Variants in IMMP2L observed in about 807,000 individuals in gnomAD.
IMMP2L encodes the protein mitochondrial inner membrane protease subunit 2.
A neutral mutation model predicts 19.3 loss-of-function variants in IMMP2L; 18 were observed. The observed-to-expected ratio is 0.93, with a 90% CI of 0.64 to 1.38. The LOEUF is 1.38. Ranked by LOEUF, IMMP2L falls within the 40% of genes most tolerant of loss-of-function variation. The pLI, the probability that IMMP2L is intolerant of heterozygous loss-of-function variation, is 0.00. For missense variants in IMMP2L, 233 were observed against 218.2 expected, an observed-to-expected ratio of 1.07 and a Z score of -0.43; for synonymous variants, 76 against 73.0, an observed-to-expected ratio of 1.04 and a Z score of -0.21.
intron 5 of IMMP2L, among the ~76,000 whole-genome samples, chr7:110,703,389 G>GT (rs901085439): frequency 4.0e-5 from 6 of 150,848 alleles, no homozygotes; most frequent in African/African-American, 7.3e-5. Context: ...TTGGTATGTA[G>GT]TTTTTTTTTC....
At chr7:111,215,559 T>C (rs914226810) in intron 3 of IMMP2L, among the ~76,000 whole-genome samples, 1 of 152,138 alleles carries the variant, frequency 6.6e-6, no homozygotes, top group Admixed American at 6.5e-5. Context: ...AAAAAAGATA[T>C]ACATTCTCTC....
At chr7:111,470,068 A>G (rs932576529) in intron 3 of IMMP2L, among the ~76,000 whole-genome samples, 1 of 152,204 alleles carries the variant, frequency 6.6e-6, no homozygotes, top group African/African-American at 2.4e-5. Context: ...GGTGAAGGAC[A>G]TGAACAGACA....
At chr7:111,073,293 G>C (rs2129575570) in intron 3 of IMMP2L, among the ~76,000 whole-genome samples, 1 of 152,162 alleles carries the variant, frequency 6.6e-6, no homozygotes, top group African/African-American at 2.4e-5. Flanking sequence ...GAGGAGGAGA[G>C]AGAGCAAGAA....
At chr7:111,191,104 A>G (rs1029607198) in intron 3 of IMMP2L, among the ~76,000 whole-genome samples, 2 of 152,146 alleles carry the variant, frequency 1.3e-5, no homozygotes, top group Admixed American at 6.6e-5. Context: ...CTGACTCACA[A>G]CTATTTCCAA....
chr7:111,155,039 T>G (rs191813869), intron 3 of IMMP2L, among the ~76,000 whole-genome samples: 15 of 152,210 alleles, frequency 9.9e-5, no homozygotes, highest in African/African-American at 3.1e-4. Context: ...ATTACAGGCA[T>G]GAGCTACCAC....
intron 3 of IMMP2L, among the ~76,000 whole-genome samples, chr7:111,400,484 C>G (rs974174871): frequency 6.6e-6 from 1 of 152,090 alleles, no homozygotes; most frequent in Non-Finnish European, 1.5e-5. Flanking sequence ...TAATATTCCC[C>G]TATCCCCACC....
chr7:111,240,848 G>A (rs1006113687), intron 3 of IMMP2L, among the ~76,000 whole-genome samples: 2 of 151,808 alleles, frequency 1.3e-5, no homozygotes, highest in Non-Finnish European at 2.9e-5. Context: ...CCATACTTAA[G>A]TCACACTTAA....
chr7:110,764,215 A>G (rs923608339), intron 5 of IMMP2L, among the ~76,000 whole-genome samples: 1 of 152,124 alleles, frequency 6.6e-6, no homozygotes, highest in Non-Finnish European at 1.5e-5. Flanking sequence ...CCACCTACTG[A>G]CAATGCCAAC....
chr7:111,051,373 C>T (rs1028826016), intron 3 of IMMP2L, among the ~76,000 whole-genome samples: 2 of 152,096 alleles, frequency 1.3e-5, no homozygotes, highest in African/African-American at 4.8e-5. Flanking sequence ...CTATCCTGAG[C>T]GAATGCATCT....
chr7:110,735,718 ACACG>A lies in IMMP2L; in HGVS notation c.409-72001_409-71998del, dbSNP rs1392580610. Among the ~76,000 whole-genome samples the A allele has an allele frequency of 5.6e-5, 8 of 142,686 alleles. No homozygotes were observed. In the East Asian group the frequency reaches 1.0e-3, roughly 18 times the overall value. 93.6% of individuals were successfully genotyped at this position (142,686 alleles called of 152,430 possible). On this transcript the variant is annotated intron_variant, in intron 5 of 5. Coordinates refer to ENST00000405709, the MANE Select transcript of IMMP2L (RefSeq NM_032549.4). ...CACACACACACACACACACACACAC[ACACG>A]AAAATTAGGCAGACATGGTAACGTG...
At chr7:111,334,142 C>G (rs550394943) in intron 3 of IMMP2L, among the ~76,000 whole-genome samples, 71 of 151,710 alleles carry the variant, frequency 4.7e-4, no homozygotes, top group Non-Finnish European at 8.8e-4. Flanking sequence ...ATCATCTATA[C>G]CATTTTTAAG....
At chr7:111,397,075 G>A (rs557393230) in intron 3 of IMMP2L, among the ~76,000 whole-genome samples, 8 of 151,280 alleles carry the variant, frequency 5.3e-5, no homozygotes, top group Non-Finnish European at 7.4e-5. Context: ...GCAACAGAGC[G>A]AGACTCTATC....
intron 5 of IMMP2L, among the ~76,000 whole-genome samples, chr7:110,743,212 C>T (rs1250528089): frequency 3.9e-5 from 6 of 152,142 alleles, no homozygotes; most frequent in African/African-American, 1.4e-4. Flanking sequence ...TATGTGGTCT[C>T]TAGGTCTGAG....
chr7:111,547,790 G>A (rs555386634), intron 1 of IMMP2L, among the ~76,000 whole-genome samples: 5 of 151,558 alleles, frequency 3.3e-5, no homozygotes, highest in South Asian at 2.1e-4. Flanking sequence ...GCATGATCAC[G>A]GCTTACTGCA....
At chr7:111,508,878 G>A (rs1033954421) in intron 2 of IMMP2L, among the ~76,000 whole-genome samples, 4 of 152,110 alleles carry the variant, frequency 2.6e-5, no homozygotes, top group Admixed American at 2.0e-4. Context: ...GCTTGGAAGG[G>A]GGGTTTCACT....
intron 3 of IMMP2L, among the ~76,000 whole-genome samples, chr7:111,323,297 G>T (rs1052045054): frequency 4.0e-5 from 6 of 151,152 alleles, no homozygotes; most frequent in African/African-American, 1.5e-4. Flanking sequence ...TTTACAAGAA[G>T]AAAACAAAAA....
intron 5 of IMMP2L, among the ~76,000 whole-genome samples, chr7:110,813,582 C>T (rs1802206581): frequency 6.6e-6 from 1 of 151,784 alleles, no homozygotes; most frequent in African/African-American, 2.4e-5. Flanking sequence ...CGCATGCCAC[C>T]ACACCTGGCC....
Position 111,434,382 on chromosome 7 carries a change from TA to T in IMMP2L, c.239+52855del, listed in dbSNP as rs1277234271. 7.3e-5 allele frequency among the ~76,000 whole-genome samples: 11 copies of T among 149,850 alleles called. No individual in the cohort carries two copies. The East Asian group carries it at 1.4e-3, about 19-fold the overall frequency. On this transcript the variant is annotated intron_variant, in intron 3 of 5. Coordinates refer to ENST00000405709, the MANE Select transcript of IMMP2L (RefSeq NM_032549.4). ...ATAGACAAATGAGGATTAAATACAGTAAAAAGCTTCTGCACAGCAAAAGAAT... is the reference window on the plus strand; with the variant it reads ...ATAGACAAATGAGGATTAAATACAGTAAAAGCTTCTGCACAGCAAAAGAAT...
At chr7:110,886,927 G>A (rs1269968121) in intron 4 of IMMP2L, among the ~76,000 whole-genome samples, 1 of 152,080 alleles carries the variant, frequency 6.6e-6, no homozygotes, top group Non-Finnish European at 1.5e-5. Flanking sequence ...TAGATGAAAT[G>A]TATTGGCACT....
Sources: allele counts gnomAD v4.1 joint callset (sites outside exome capture counted in the v4.1 genomes callset), GRCh38; gene constraint gnomAD v4.1.1; transcripts MANE v1.5; gene names NCBI Gene and HGNC (gene_info 2026-07-23, HGNC 2026-07-21).